The following ADORA2B variants were observed in gnomAD, a reference collection of about 807,000 sequenced individuals.
ADORA2B encodes adenosine A2b receptor, also known as adenosine receptor A2b.
A neutral mutation model predicts 20.8 loss-of-function variants in ADORA2B; 18 were observed. The ratio of observed to expected loss-of-function variants is 0.87; its 90% CI spans 0.60 to 1.29. The LOEUF is 1.29. ADORA2B is among the 50% of genes most tolerant of loss of function. The pLI is 0.00. For synonymous variants in ADORA2B, 179 were observed against 178.3 expected, an observed-to-expected ratio of 1.00 and a Z score of -0.03; for missense variants, 441 against 422.7, an observed-to-expected ratio of 1.04 and a Z score of -0.38.
chr17:15,915,192 C>G, the ADORA2B span, among the ~76,000 whole-genome samples: 1 of 152,184 alleles, frequency 6.6e-6, no homozygotes, highest in Non-Finnish European at 1.5e-5. Context: ...AGCTTGTGGC[C>G]CCTTCCTGCA....
At chr17:15,903,370 G>T in the ADORA2B span, among the ~76,000 whole-genome samples, 1 of 152,192 alleles carries the variant, frequency 6.6e-6, no homozygotes, top group East Asian at 1.9e-4. Context: ...TATTTTCTGT[G>T]GTTACCCACT....
chr17:15,869,148 C>T, the ADORA2B span, among the ~76,000 whole-genome samples: 1 of 149,970 alleles, frequency 6.7e-6, no homozygotes, highest in Non-Finnish European at 1.5e-5. Context: ...GGTGAAAACC[C>T]GTCTCTACTA....
the ADORA2B span, among the ~76,000 whole-genome samples, chr17:15,874,395 A>T: frequency 6.6e-6 from 1 of 151,948 alleles, no homozygotes; most frequent in Admixed American, 6.6e-5. Context: ...CTTATTTTTT[A>T]AAAGTGTCGT....
the ADORA2B span, among the ~76,000 whole-genome samples, chr17:15,891,113 A>ACAG: frequency 6.6e-6 from 1 of 152,202 alleles, no homozygotes; most frequent in African/African-American, 2.4e-5. Context: ...CTAAAAATTA[A>ACAG]AAATTAGCCG....
At chr17:15,903,156 A>G in the ADORA2B span, among the ~76,000 whole-genome samples, 1 of 152,192 alleles carries the variant, frequency 6.6e-6, no homozygotes, top group South Asian at 2.1e-4. Flanking sequence ...CTCCACTTGA[A>G]AATTTTTAAA....
chr17:15,894,931 A>G, the ADORA2B span, among the ~76,000 whole-genome samples: 1 of 151,932 alleles, frequency 6.6e-6, no homozygotes, highest in Non-Finnish European at 1.5e-5. Flanking sequence ...GATAGTGGGG[A>G]GGGGAGAGAG....
chr17:15,973,107 A>G (rs1322383822), intron 1 of ADORA2B, among the ~76,000 whole-genome samples: 1 of 152,220 alleles, frequency 6.6e-6, no homozygotes, highest in African/African-American at 2.4e-5. Context: ...GTTCTCCAGC[A>G]GTCTGCAGAG....
the ADORA2B span, among the ~76,000 whole-genome samples, chr17:15,867,791 GT>G: frequency 1.3e-5 from 2 of 150,344 alleles, no homozygotes; most frequent in Non-Finnish European, 3.0e-5. Context: ...CGTCCGGGAG[GT>G]GAGGGGCGCC....
the ADORA2B span, among the ~76,000 whole-genome samples, chr17:15,913,437 A>C: frequency 6.6e-6 from 1 of 152,226 alleles, no homozygotes; most frequent in East Asian, 1.9e-4. Context: ...TCTTGTCAAC[A>C]GTTGTTTCCA....
At chr17:15,876,437 C>T in the ADORA2B span, among the ~76,000 whole-genome samples, 11 of 132,138 alleles carry the variant, frequency 8.3e-5, no homozygotes, top group East Asian at 2.2e-4. Flanking sequence ...TTCTTTCTTT[C>T]TTTTCTTTTT....
chr17:15,884,578 G>T, the ADORA2B span, among the ~76,000 whole-genome samples: 1 of 151,808 alleles, frequency 6.6e-6, no homozygotes, highest in East Asian at 1.9e-4. Context: ...CTCCCTCCAC[G>T]CCCCCATACA....
At chr17:15,911,904 A>G in the ADORA2B span, among the ~76,000 whole-genome samples, 1 of 152,154 alleles carries the variant, frequency 6.6e-6, no homozygotes, top group South Asian at 2.1e-4. Context: ...TCTCTGCAAG[A>G]AAATTTTTTT....
At chr17:15,877,067 A>G in the ADORA2B span, among the ~76,000 whole-genome samples, 1 of 152,208 alleles carries the variant, frequency 6.6e-6, no homozygotes, top group African/African-American at 2.4e-5. Context: ...TCCACATTAT[A>G]GCATGTCAGA....
At chr17:15,895,970 A>G in the ADORA2B span, among the ~76,000 whole-genome samples, 6 of 152,062 alleles carry the variant, frequency 3.9e-5, no homozygotes, top group African/African-American at 1.4e-4. Flanking sequence ...AATGTTTGCA[A>G]CTCCACCTGC....
the ADORA2B span, among the ~76,000 whole-genome samples, chr17:15,937,634 G>A: frequency 2.0e-5 from 3 of 150,990 alleles, no homozygotes; most frequent in South Asian, 2.1e-4. Context: ...GTGCAATGGC[G>A]CCATCTTGGC....
intron 1 of ADORA2B, among the ~76,000 whole-genome samples, chr17:15,958,520 A>G (rs1969998130): frequency 6.6e-6 from 1 of 152,068 alleles, no homozygotes; most frequent in East Asian, 1.9e-4. Flanking sequence ...CCAGTGCCTT[A>G]GGATGTCATC....
At chr17:15,867,836 C>G in the ADORA2B span, among the ~76,000 whole-genome samples, 1 of 148,320 alleles carries the variant, frequency 6.7e-6, no homozygotes, top group Non-Finnish European at 1.5e-5. Flanking sequence ...AAGTGAGGAG[C>G]CCCTCTGCCC....
chr17:15,866,717 C>A, the ADORA2B span, among the ~76,000 whole-genome samples: 1 of 150,288 alleles, frequency 6.7e-6, no homozygotes. Flanking sequence ...CTGCCGCTGC[C>A]TCTGCCGCTG....
chr17:15,945,590 C>G lies in ADORA2B; in HGVS notation c.335+7C>G, dbSNP rs1409551406. ...CCATCTGTGTCCCGCTCAGGTGAGG[C>G]GCTCGGCGTCGCCCGAACTCGGGGC... On this transcript the variant is annotated splice_region_variant and intron_variant, in intron 1 of 1. Transcript: ENST00000304222. 2 of 1,468,712 alleles carry G rather than the reference C, an allele frequency of 1.4e-6. No homozygotes were observed. The highest frequency in any genetic ancestry group is 1.8e-6 in the Non-Finnish European group (2 of 1,113,362). 91.0% of individuals were successfully genotyped at this position (1,468,712 alleles called of 1,614,324 possible). A position where few individuals can be genotyped will look rare whatever the true frequency, so the allele number is the denominator to read the frequency against.
Sources: gnomAD v4.1 joint callset for allele counts (sites outside exome capture counted in the v4.1 genomes callset) on GRCh38, gnomAD v4.1.1 for gene constraint, MANE v1.5 for transcripts, NCBI Gene and HGNC (gene_info 2026-07-23, HGNC 2026-07-21) for gene names.